Variants in B4GALNT3 observed in about 807,000 individuals in gnomAD.
B4GALNT3 encodes the protein beta-1,4-N-acetylgalactosaminyltransferase 3.
A neutral mutation model predicts 120.2 loss-of-function variants in B4GALNT3; 86 were observed. That is an observed-to-expected ratio of 0.72 (90% confidence interval 0.60 to 0.86). The LOEUF is 0.86. Among genes scored for constraint, B4GALNT3 ranks in the 40% least tolerant of loss-of-function variants. The pLI is 0.00. For synonymous variants in B4GALNT3, 518 were observed against 510.4 expected, an observed-to-expected ratio of 1.01 and a Z score of -0.20; for missense variants, 1,167 against 1,298.9, an observed-to-expected ratio of 0.90 and a Z score of 1.56.
At position 552,184 on chromosome 12, in the gene B4GALNT3, C is replaced by T. The variant is rs750163537; in HGVS notation, c.1208+21C>T. 5.7e-6 allele frequency: 9 copies of T among 1,574,096 alleles called. No homozygotes were observed. The East Asian group carries it at 1.6e-4, about 27-fold the overall frequency. On this transcript the variant is annotated intron_variant, in intron 12 of 19. Coordinates refer to ENST00000266383, the MANE Select transcript of B4GALNT3 (RefSeq NM_173593.4). ...GACCGGTGAGAGACACTGAGTGGGGCAGGAAGGTGACCTTGCAGAGGGCTC... is the reference window on the plus strand; with the variant it reads ...GACCGGTGAGAGACACTGAGTGGGGTAGGAAGGTGACCTTGCAGAGGGCTC...
intron 1 of B4GALNT3, among the ~76,000 whole-genome samples, chr12:482,807 T>C (rs959543970): frequency 6.6e-6 from 1 of 152,206 alleles, no homozygotes; most frequent in African/African-American, 2.4e-5. Context: ...GCTGAAGTGA[T>C]GTATGATAGA....
intron 1 of B4GALNT3, among the ~76,000 whole-genome samples, chr12:523,545 C>T (rs539961087): frequency 1.3e-5 from 2 of 152,326 alleles, no homozygotes; most frequent in South Asian, 4.1e-4. Context: ...CACTTAACTC[C>T]AGCAGCTATG....
At chr12:535,653 G>A (rs996202663) in intron 2 of B4GALNT3, among the ~76,000 whole-genome samples, 2 of 152,206 alleles carry the variant, frequency 1.3e-5, no homozygotes, top group African/African-American at 2.4e-5. Context: ...CAGAGGTGAC[G>A]AGGTGGATGG....
chr12:479,596 G>A lies in B4GALNT3; in HGVS notation c.169+19051G>A, dbSNP rs897884590. Reference sequence around the variant, plus strand: ...GATAAGGGGGAAGTTGAGCAACTGTGTCAGGTGCAGATAAAAAGTCTGGAA... The same window carrying A: ...GATAAGGGGGAAGTTGAGCAACTGTATCAGGTGCAGATAAAAAGTCTGGAA... On this transcript the variant is annotated intron_variant, in intron 1 of 19. Transcript: ENST00000266383. 2.0e-4 allele frequency among the ~76,000 whole-genome samples: 30 copies of A among 152,224 alleles called. 1 individual carries two copies. The highest frequency in any genetic ancestry group is 1.8e-3 in the Admixed American group (28 of 15,288).
chr12:505,933 A>G lies in B4GALNT3; in HGVS notation c.170-29233A>G, dbSNP rs138621177. Among the ~76,000 whole-genome samples, 191 of 152,308 alleles carry G rather than the reference A, an allele frequency of 1.3e-3. 2 individuals are homozygous for G. Among genetic ancestry groups the G allele is most frequent in the African/African-American group, 4.3e-3 (179 of 41,572 alleles). On this transcript the variant is annotated intron_variant, in intron 1 of 19. Transcript: ENST00000266383. ...AGAGTTGCCATTTGCAACTCCATCCATCTATTTTTGTCTTCTTTCATTTGC... is the reference window on the plus strand; with the variant it reads ...AGAGTTGCCATTTGCAACTCCATCCGTCTATTTTTGTCTTCTTTCATTTGC...
At chr12:510,968 A>T (rs190690656) in intron 1 of B4GALNT3, among the ~76,000 whole-genome samples, 1 of 133,140 alleles carries the variant, frequency 7.5e-6, no homozygotes. Flanking sequence ...CACCTCCAGC[A>T]CTGGAACCAC....
At chr12:504,466 C>G (rs1190954568) in intron 1 of B4GALNT3, among the ~76,000 whole-genome samples, 2 of 148,096 alleles carry the variant, frequency 1.4e-5, no homozygotes, top group African/African-American at 5.0e-5. Flanking sequence ...CGCCCCCGAA[C>G]TCTTTTTTTC....
At chr12:555,976 G>C (rs997801077) in intron 14 of B4GALNT3, among the ~76,000 whole-genome samples, 13 of 151,254 alleles carry the variant, frequency 8.6e-5, no homozygotes, top group Non-Finnish European at 1.8e-4. Context: ...GTAGAGACAG[G>C]GTTTCACCAT....
chr12:504,512 T>G (rs1479024687), intron 1 of B4GALNT3, among the ~76,000 whole-genome samples: 1 of 146,934 alleles, frequency 6.8e-6, no homozygotes, highest in African/African-American at 2.5e-5. Flanking sequence ...CAGGCTGGAG[T>G]GCAGTGGTGT....
At chr12:473,599 A>G (rs1946157276) in intron 1 of B4GALNT3, among the ~76,000 whole-genome samples, 1 of 152,152 alleles carries the variant, frequency 6.6e-6, no homozygotes, top group South Asian at 2.1e-4. Flanking sequence ...GTCTCCTGAG[A>G]AAAAAATGCC....
chr12:479,589 C>A (rs1334305577), intron 1 of B4GALNT3, among the ~76,000 whole-genome samples: 2 of 152,132 alleles, frequency 1.3e-5, no homozygotes, highest in Non-Finnish European at 2.9e-5. Context: ...GGAAGTTGAG[C>A]AACTGTGTCA....
intron 14 of B4GALNT3, among the ~76,000 whole-genome samples, chr12:554,904 G>T (rs1046368089): frequency 6.6e-6 from 1 of 150,938 alleles, no homozygotes; most frequent in Non-Finnish European, 1.5e-5. Flanking sequence ...CTGGCCAGAC[G>T]CAGTGGCTCA....
At chr12:529,205 A>G (rs948527692) in intron 1 of B4GALNT3, among the ~76,000 whole-genome samples, 2 of 152,028 alleles carry the variant, frequency 1.3e-5, no homozygotes, top group Non-Finnish European at 2.9e-5. Flanking sequence ...CTCCCCCTGT[A>G]GGTGTCACCC....
chr12:549,109 C>T (rs1167019240), intron 9 of B4GALNT3, among the ~76,000 whole-genome samples: 1 of 152,156 alleles, frequency 6.6e-6, no homozygotes, highest in African/African-American at 2.4e-5. Flanking sequence ...TCCTCAGGCC[C>T]CGTTGAAAAA....
At chr12:549,688 C>G in intron 9 of B4GALNT3, 81 bp from the exon 10 acceptor site, 2 of 1,561,610 alleles carry the variant, frequency 1.3e-6, no homozygotes, top group Non-Finnish European at 1.8e-6. Flanking sequence ...CCTTCTGCGT[C>G]TCTTCCCTCC....
chr12:541,698 C>G (rs1391537359), intron 3 of B4GALNT3, among the ~76,000 whole-genome samples: 1 of 152,158 alleles, frequency 6.6e-6, no homozygotes, highest in Non-Finnish European at 1.5e-5. Flanking sequence ...GCTCCTCTTC[C>G]CACACTGCCA....
chr12:480,124 C>T (rs2120467802), intron 1 of B4GALNT3, among the ~76,000 whole-genome samples: 1 of 151,818 alleles, frequency 6.6e-6, no homozygotes, highest in East Asian at 2.0e-4. Context: ...ACTGCGTTAG[C>T]CAGGATGGTC....
At chr12:534,009 A>G (rs771495130) in intron 1 of B4GALNT3, among the ~76,000 whole-genome samples, 2 of 152,132 alleles carry the variant, frequency 1.3e-5, no homozygotes, top group Non-Finnish European at 1.5e-5. Flanking sequence ...ACTTCTGCCT[A>G]CTGTCGACTC....
intron 14 of B4GALNT3, among the ~76,000 whole-genome samples, chr12:554,686 A>G (rs1207444642): frequency 1.1e-3 from 147 of 132,968 alleles, no homozygotes; most frequent in African/African-American, 3.5e-3. Context: ...GCTACTCGGG[A>G]GGCTGAGGCA....
Sources: gnomAD v4.1 joint callset for allele counts (sites outside exome capture counted in the v4.1 genomes callset) on GRCh38, gnomAD v4.1.1 for gene constraint, MANE v1.5 for transcripts, NCBI Gene and HGNC (gene_info 2026-07-23, HGNC 2026-07-21) for gene names.